Variants in SMCR8 observed in about 807,000 individuals in gnomAD.
SMCR8 encodes the protein SMCR8-C9orf72 complex subunit, also known as guanine nucleotide exchange protein SMCR8.
Under a neutral mutation model 56.6 loss-of-function variants are expected in SMCR8, and 30 were observed. The ratio of observed to expected loss-of-function variants is 0.53; its 90% CI spans 0.40 to 0.72. The LOEUF is 0.72. SMCR8 is among the 30% of genes least tolerant of loss of function. The pLI is 0.00. For synonymous variants in SMCR8, 538 were observed against 456.0 expected (o/e 1.18, Z -2.29); for missense variants, 1,198 against 1,157.0 (o/e 1.04, Z -0.51).
rs754720926 is a variant in SMCR8, at chr17:18,315,613, C to T, written c.-177C>T. The T allele has an allele frequency of 1.1e-4, 66 of 594,220 alleles. No individual in the cohort carries two copies. Among genetic ancestry groups the T allele is most frequent in the Middle Eastern group, 4.5e-4 (1 of 2,220 alleles). 36.8% of individuals were successfully genotyped at this position (594,220 alleles called of 1,614,324 possible). A position where few individuals can be genotyped will look rare whatever the true frequency, so the allele number is the denominator to read the frequency against. Reference sequence around the variant, plus strand: ...CGGAGGAGCTACAACTGTGAGGGGGCTGCTAGAGTTCTTCTCCTCGGGTGT... The same window carrying T: ...CGGAGGAGCTACAACTGTGAGGGGGTTGCTAGAGTTCTTCTCCTCGGGTGT... On this transcript the variant is annotated 5_prime_UTR_variant, in exon 1 of 2. Coordinates refer to ENST00000406438, the MANE Select transcript of SMCR8 (RefSeq NM_144775.3).
At position 18,316,403 on chromosome 17, in the gene SMCR8, C is replaced by T; in HGVS notation, c.614C>T (p.Thr205Ile). 3 of 1,614,114 alleles carry T rather than the reference C, an allele frequency of 1.9e-6. No homozygotes were observed. The highest frequency in any genetic ancestry group is 2.5e-6 in the Non-Finnish European group (3 of 1,180,028). Residue 205 changes from threonine to isoleucine, a missense_variant, in exon 1 of 2, where the codon ACC (threonine) becomes ATC (isoleucine). Transcript: ENST00000406438. ...LEKKLKDLDY[T>I]RTVLHTETEI... ...AAAAAGCTGAAAGACTTGGATTACA[C>T]CAGGACAGTGCTACACACAGAAACG...
In SMCR8 at chr17:18,327,101, G is replaced by GT. The variant is rs1982683346; in HGVS notation, c.*4034dup. Reference sequence around the variant, plus strand: ...CACTGCAAAAAGGAAAAAGCATCAAGTTTCTACTTCTGGCTGGAAAGCAAA... The same window carrying GT: ...CACTGCAAAAAGGAAAAAGCATCAAGTTTTCTACTTCTGGCTGGAAAGCAAA... On this transcript the variant is annotated 3_prime_UTR_variant, in exon 2 of 2. Transcript: ENST00000406438. 1 of 152,288 alleles carries GT rather than the reference G, an allele frequency of 6.6e-6. No individual in the cohort carries two copies. Among genetic ancestry groups the GT allele is most frequent in the Non-Finnish European group, 1.5e-5 (1 of 68,044 alleles). The allele number at this position is 152,288 out of a possible 1,614,324, so 9.4% of individuals were successfully genotyped here. A position where few individuals can be genotyped will look rare whatever the true frequency, so the allele number is the denominator to read the frequency against.
At position 18,327,410 on chromosome 17, in the gene SMCR8, G is replaced by C. The variant is rs1001217752; in HGVS notation, c.*4340G>C. On this transcript the variant is annotated 3_prime_UTR_variant, in exon 2 of 2. Transcript: ENST00000406438. Reference sequence around the variant, plus strand: ...CTTGTCTCCAGCTGGGGAGGGGTCAGGCCCCTAAATTGAAGACCACTTTGG... The same window carrying C: ...CTTGTCTCCAGCTGGGGAGGGGTCACGCCCCTAAATTGAAGACCACTTTGG... 2 of 152,270 alleles carry C rather than the reference G, an allele frequency of 1.3e-5. No individual in the cohort carries two copies. Among genetic ancestry groups the C allele is most frequent in the Non-Finnish European group, 2.9e-5 (2 of 68,072 alleles). 9.4% of individuals were successfully genotyped at this position (152,270 alleles called of 1,614,324 possible). A position where few individuals can be genotyped will look rare whatever the true frequency, so the allele number is the denominator to read the frequency against.
At position 18,317,400 on chromosome 17, in the gene SMCR8, C is replaced by T. The variant is rs1464676724; in HGVS notation, c.1611C>T (p.Tyr537=). The T allele has an allele frequency of 8.7e-6, 14 of 1,614,000 alleles. No homozygotes were observed. Among genetic ancestry groups the T allele is most frequent in the Non-Finnish European group, 1.2e-5 (14 of 1,180,040 alleles). The change falls in exon 1 of 2, where the codon TAC becomes TAT. Residue 537 remains tyrosine (Y), a synonymous_variant. Transcript: ENST00000406438. ...ALIPDDFKAS[Y]PSAINEEESY... ...TCCCTGATGACTTTAAGGCCAGCTA[C>T]CCAAGTGCCATTAATGAAGAAGAAT...
At position 18,317,282 on chromosome 17, in the gene SMCR8, G is replaced by T. The variant is rs533852163; in HGVS notation, c.1493G>T (p.Ser498Ile). ...CAGGCAAGCCTCACAGTACCATTGA[G>T]CCCCCAGGTGGTCCGGAGCAAAGCA... ...DSQASLTVPLSPQVVRSKAVS... is the reference protein window; with the variant it reads ...DSQASLTVPLIPQVVRSKAVS... Residue 498 changes from serine to isoleucine, a missense_variant, in exon 1 of 2, where the codon AGC (serine) becomes ATC (isoleucine). Coordinates refer to ENST00000406438, the MANE Select transcript of SMCR8 (RefSeq NM_144775.3). 3 of 1,614,082 alleles carry T rather than the reference G, an allele frequency of 1.9e-6. No individual in the cohort carries two copies. Among genetic ancestry groups the T allele is most frequent in the Middle Eastern group, 1.6e-4 (1 of 6,062 alleles).
rs1982648895 is a variant in SMCR8, at chr17:18,326,228, T to G, written c.*3158T>G. On this transcript the variant is annotated 3_prime_UTR_variant, in exon 2 of 2. Transcript: ENST00000406438. ...TGAGGGCCCAGGTACTGAAACTGGT[T>G]GTCTTGAGTTTTGTGTCAGCTTTTT... The G allele has an allele frequency of 6.6e-6, 1 of 152,214 alleles. No individual in the cohort carries two copies. The highest frequency in any genetic ancestry group is 2.1e-4 in the South Asian group (1 of 4,826). The allele number at this position is 152,214 out of a possible 1,614,324, so 9.4% of individuals were successfully genotyped here.
rs938297740 is a variant in SMCR8 at position 18,316,955 on chromosome 17, T to A, written c.1166T>A (p.Ile389Lys). The change falls in exon 1 of 2, where the codon ATA becomes AAA. Residue 389 changes from isoleucine (I) to lysine (K), a missense_variant. Physicochemically the swap from Ile to Lys is moderately radical, Grantham distance 102 (BLOSUM62 -3). Coordinates refer to ENST00000406438, the MANE Select transcript of SMCR8 (RefSeq NM_144775.3). ...DDRMVEKQES[I>K]PSKPSQDRPP... ...AGGATGGTGGAGAAACAAGAAAGCA[T>A]ACCCTCTAAGCCCAGTCAAGACAGG... is the stretch of plus-strand genomic sequence containing the variant. 1.2e-6 allele frequency: 2 copies of A among 1,614,064 alleles called. No individual in the cohort carries two copies. The highest frequency in any genetic ancestry group is 2.7e-5 in the African/African-American group (2 of 74,922).
intron 1 of SMCR8, among the ~76,000 whole-genome samples, chr17:18,318,989 A>G (rs766758369): frequency 2.6e-5 from 4 of 152,204 alleles, no homozygotes; most frequent in Non-Finnish European, 5.9e-5. Context: ...TGCAGCGGGC[A>G]GGTGTGGGGA....
Position 18,316,292 on chromosome 17 carries a change from A to G in SMCR8, c.503A>G (p.Gln168Arg). The G allele has an allele frequency of 6.2e-7, 1 of 1,614,100 alleles. No homozygotes were observed. Among genetic ancestry groups the G allele is most frequent in the Non-Finnish European group, 8.5e-7 (1 of 1,180,036 alleles). Residue 168 changes from glutamine (Q) to arginine (R), a missense_variant, in exon 1 of 2, where the codon CAG becomes CGG. Coordinates refer to ENST00000406438, the MANE Select transcript of SMCR8 (RefSeq NM_144775.3). Reference protein sequence around the residue: ...ISADQHKIMQQFQELSAEFSR... With the variant: ...ISADQHKIMQRFQELSAEFSR... ...GCAGACCAGCATAAAATCATGCAGC[A>G]GTTCCAGGAGCTTTCAGCCGAATTT... is the stretch of plus-strand genomic sequence containing the variant.
At position 18,316,085 on chromosome 17, in the gene SMCR8, A is replaced by T. The variant is rs1207957960; in HGVS notation, c.296A>T (p.Tyr99Phe). ...TCCCTGCGTATCATGTCTGTGGATTACCAGGCTTCCTTCGTGGGCCATCCT... is the reference window on the plus strand; with the variant it reads ...TCCCTGCGTATCATGTCTGTGGATTTCCAGGCTTCCTTCGTGGGCCATCCT... ...YFSLRIMSVD[Y>F]QASFVGHPPG... The change falls in exon 1 of 2, where the codon TAC becomes TTC. Residue 99 changes from tyrosine to phenylalanine, a missense_variant. Coordinates refer to ENST00000406438, the MANE Select transcript of SMCR8 (RefSeq NM_144775.3). 1.9e-6 allele frequency: 3 copies of T among 1,614,034 alleles called. No homozygotes were observed. The African/African-American group carries it at 4.0e-5, about 22-fold the overall frequency.
At chr17:18,320,619 C>T (rs142108394) in intron 1 of SMCR8, among the ~76,000 whole-genome samples, 8 of 152,160 alleles carry the variant, frequency 5.3e-5, no homozygotes, top group African/African-American at 9.7e-5. Context: ...GAGAAGGTCC[C>T]GGAACACAGG....
intron 1 of SMCR8, among the ~76,000 whole-genome samples, chr17:18,321,781 A>T (rs146912541): frequency 4.1e-4 from 63 of 152,316 alleles, no homozygotes; most frequent in Non-Finnish European, 8.1e-4. Context: ...GCAGTGAGTC[A>T]TGATCGTGCT....
At position 18,322,737 on chromosome 17, in the gene SMCR8, G is replaced by A. The variant is rs759037243; in HGVS notation, c.2481G>A (p.Val827=). The A allele has an allele frequency of 6.2e-6, 10 of 1,614,020 alleles. No individual in the cohort carries two copies. The African/African-American group carries it at 1.2e-4, about 19-fold the overall frequency. Residue 827 remains valine, a synonymous_variant, in exon 2 of 2, where the codon GTG becomes GTA. Coordinates refer to ENST00000406438, the MANE Select transcript of SMCR8 (RefSeq NM_144775.3). The part of the protein sequence containing the change: ...LRCPLYRGTL[V]PRLADHRTQI... Reference sequence around the variant, plus strand: ...GCCCCCTTTACAGAGGCACCCTGGTGCCCCGCCTGGCAGACCACCGCACAC... The same window carrying A: ...GCCCCCTTTACAGAGGCACCCTGGTACCCCGCCTGGCAGACCACCGCACAC...
chr17:18,320,308 C>A (rs745706553), intron 1 of SMCR8, among the ~76,000 whole-genome samples: 1 of 152,222 alleles, frequency 6.6e-6, no homozygotes, highest in Non-Finnish European at 1.5e-5. Context: ...GAGGCTTGTC[C>A]CTTCCCGTGT....
At position 18,316,783 on chromosome 17, in the gene SMCR8, A is replaced by C. The variant is rs1982311072; in HGVS notation, c.994A>C (p.Thr332Pro). The stretch of plus-strand genomic sequence containing the variant: ...GGAGCTCTGTGACACTGAATATTTC[A>C]CCCAGACCCTGGCTCAGCTCAGCCA... ...LEELCDTEYFTQTLAQLSHIE... is the reference protein window; with the variant it reads ...LEELCDTEYFPQTLAQLSHIE... Residue 332 changes from threonine to proline, a missense_variant, in exon 1 of 2, where the codon ACC becomes CCC. Physicochemically the swap from Thr to Pro is conservative, Grantham distance 38. Coordinates refer to ENST00000406438, the MANE Select transcript of SMCR8 (RefSeq NM_144775.3). 1 of 1,614,088 alleles carries C rather than the reference A, an allele frequency of 6.2e-7. No homozygotes were observed. The highest frequency in any genetic ancestry group is 1.3e-5 in the African/African-American group (1 of 74,936).
At position 18,324,992 on chromosome 17, in the gene SMCR8, G is replaced by C. The variant is rs1015804880; in HGVS notation, c.*1922G>C. ...GCAGGGAGCCTGCTTCTAATCGTGGGCTCCCTTATCTGTTACGGTTCCCTC... is the reference window on the plus strand; with the variant it reads ...GCAGGGAGCCTGCTTCTAATCGTGGCCTCCCTTATCTGTTACGGTTCCCTC... On this transcript the variant is annotated 3_prime_UTR_variant, in exon 2 of 2. Transcript: ENST00000406438. 1.3e-5 allele frequency: 2 copies of C among 152,206 alleles called. No individual in the cohort carries two copies. Among genetic ancestry groups the C allele is most frequent in the African/African-American group, 4.8e-5 (2 of 41,448 alleles). 9.4% of individuals were successfully genotyped at this position (152,206 alleles called of 1,614,324 possible).
rs748426144 is a variant in SMCR8 at position 18,315,944 on chromosome 17, A to G, written c.155A>G (p.Lys52Arg). ...CCCTGGTCAAAACTGTCCGGGGCCA[A>G]GTTTTCGAGGGACTTCATTCTTATT... is the stretch of plus-strand genomic sequence containing the variant. ...ANPWSKLSGA[K>R]FSRDFILISE... The change falls in exon 1 of 2, where the codon AAG becomes AGG. Residue 52 changes from lysine (K) to arginine (R), a missense_variant. Transcript: ENST00000406438. The G allele has an allele frequency of 3.1e-6, 5 of 1,614,044 alleles. No individual in the cohort carries two copies. Among genetic ancestry groups the G allele is most frequent in the South Asian group, 2.2e-5 (2 of 91,084 alleles).
Position 18,317,142 on chromosome 17 carries a change from C to G in SMCR8, c.1353C>G (p.Pro451=). Residue 451 remains proline (P), a synonymous_variant, in exon 1 of 2, where the codon CCC becomes CCG. Transcript: ENST00000406438. ...TGACTGAGTTGAGCAGTTTCGACCC[C>G]CAGGAAAACTTGGACTACCTGGATA... ...VEVTELSSFD[P]QENLDYLDMD... is the part of the protein sequence containing the mutation. The G allele has an allele frequency of 6.2e-7, 1 of 1,614,106 alleles. No homozygotes were observed. Among genetic ancestry groups the G allele is most frequent in the East Asian group, 2.2e-5 (1 of 44,878 alleles).
chr17:18,320,538 C>T (rs995119082), intron 1 of SMCR8, among the ~76,000 whole-genome samples: 1 of 152,080 alleles, frequency 6.6e-6, no homozygotes, highest in Admixed American at 6.5e-5. Context: ...GCTGGATGTG[C>T]GGAGCTTGGG....
Sources: gnomAD v4.1 joint callset for allele counts (sites outside exome capture counted in the v4.1 genomes callset) on GRCh38, gnomAD v4.1.1 for gene constraint, MANE v1.5 for transcripts, NCBI Gene and HGNC (gene_info 2026-07-23, HGNC 2026-07-21) for gene names.